The following SH3BP4 variants were observed in gnomAD, a reference collection of about 807,000 sequenced individuals.
SH3BP4 encodes SH3 domain-binding protein 4.
Under a neutral mutation model 65.5 loss-of-function variants are expected in SH3BP4, and 33 were observed. The observed-to-expected ratio is 0.50, with a 90% CI of 0.38 to 0.67. The LOEUF (loss-of-function observed/expected upper bound fraction) is 0.67, where lower values mean the gene tolerates loss of function less well. Among genes scored for constraint, SH3BP4 ranks in the 30% least tolerant of loss-of-function variants. The pLI, the probability that SH3BP4 is intolerant of heterozygous loss-of-function variation, is 0.00. For missense variants in SH3BP4, 1,134 were observed against 1,261.4 expected, an observed-to-expected ratio of 0.90 and a Z score of 1.53; for synonymous variants, 552 against 545.5, an observed-to-expected ratio of 1.01 and a Z score of -0.17.
chr2:234,959,531 A>T (rs1692659166), intron 1 of SH3BP4, among the ~76,000 whole-genome samples: 1 of 152,208 alleles, frequency 6.6e-6, no homozygotes, highest in Admixed American at 6.5e-5. Context: ...TAAACGGCTT[A>T]CTTATAAATA....
chr2:235,020,828 G>C (rs1694827491), intron 2 of SH3BP4, among the ~76,000 whole-genome samples: 1 of 152,038 alleles, frequency 6.6e-6, no homozygotes, highest in Non-Finnish European at 1.5e-5. Flanking sequence ...TCCTTTCAAG[G>C]GCAAGTGATT....
Position 235,046,190 on chromosome 2 carries a change from C to G in SH3BP4, c.2478+2943C>G, listed in dbSNP as rs971769952. Reference sequence around the variant, plus strand: ...TCCTCATCTCCCTCAGCTGCCAGCTCAAATGCCGTCTCTCCAGGACGTCCT... The same window carrying G: ...TCCTCATCTCCCTCAGCTGCCAGCTGAAATGCCGTCTCTCCAGGACGTCCT... On this transcript the variant is annotated intron_variant, in intron 4 of 5. Coordinates refer to ENST00000392011, the MANE Select transcript of SH3BP4 (RefSeq NM_014521.3). The surrounding 1 kb of genome is among the most constrained non-coding windows in gnomAD (Gnocchi z 4.2). Among the ~76,000 whole-genome samples, 1 of 152,204 alleles carries G rather than the reference C, an allele frequency of 6.6e-6. No homozygotes were observed. The highest frequency in any genetic ancestry group is 2.4e-5 in the African/African-American group (1 of 41,460).
At chr2:234,970,538 G>T (rs1692971384) in intron 1 of SH3BP4, among the ~76,000 whole-genome samples, 2 of 152,152 alleles carry the variant, frequency 1.3e-5, no homozygotes, top group South Asian at 2.1e-4. Flanking sequence ...CAAAACTTCG[G>T]GTGTGCATAA....
rs1405173431 is a variant in SH3BP4 at position 234,969,768 on chromosome 2, G to A, written c.-207+17598G>A. Among the ~76,000 whole-genome samples, 10 of 152,310 alleles carry A rather than the reference G, an allele frequency of 6.6e-5. No homozygotes were observed. The East Asian group carries it at 1.9e-3, about 29-fold the overall frequency. On this transcript the variant is annotated intron_variant, in intron 1 of 5. Transcript: ENST00000392011. ...CTCAGGGAAGCATGTGTGTACCCCA[G>A]CCTTTCCCTTACTGCCTCTGCCCAG...
intron 2 of SH3BP4, among the ~76,000 whole-genome samples, chr2:235,019,499 C>T (rs941314280): frequency 3.0e-4 from 44 of 148,098 alleles, no homozygotes; most frequent in African/African-American, 9.3e-4. Flanking sequence ...TGCAATGGCG[C>T]GATCTCAGCT....
chr2:234,986,988 T>C (rs973056706), intron 1 of SH3BP4, among the ~76,000 whole-genome samples: 5 of 151,954 alleles, frequency 3.3e-5, no homozygotes, highest in Admixed American at 6.6e-5. Context: ...GTCAGGCTGG[T>C]CTCTAACTCC....
chr2:234,987,648 C>T (rs1574794929), intron 1 of SH3BP4, among the ~76,000 whole-genome samples: 1 of 152,160 alleles, frequency 6.6e-6, no homozygotes, highest in East Asian at 1.9e-4. Flanking sequence ...AGGACGCCTT[C>T]CTTGAGACAC....
At position 234,967,129 on chromosome 2, in the gene SH3BP4, G is replaced by T. The variant is rs2106244286; in HGVS notation, c.-207+14959G>T. Among the ~76,000 whole-genome samples, 1 of 152,272 alleles carries T rather than the reference G, an allele frequency of 6.6e-6. No individual in the cohort carries two copies. The highest frequency in any genetic ancestry group is 2.1e-4 in the South Asian group (1 of 4,814). On this transcript the variant is annotated intron_variant, in intron 1 of 5. Transcript: ENST00000392011. This position sits in a 1 kb window ranked among gnomAD's most constrained non-coding sequence, Gnocchi z 4.6. Reference sequence around the variant, plus strand: ...CAGATCGGGAAACTGAGGAACCATGGGGTTTAGGGACTTGTGTGAGCTGGG... The same window carrying T: ...CAGATCGGGAAACTGAGGAACCATGTGGTTTAGGGACTTGTGTGAGCTGGG...
Position 234,978,115 on chromosome 2 carries a change from C to T in SH3BP4, c.-206-17188C>T, listed in dbSNP as rs550091777. ...GGATTACAGGCATGCGCCACCATGC[C>T]GGCTAATTTTTGTATTTTTTAGTAG... On this transcript the variant is annotated intron_variant, in intron 1 of 5. Coordinates refer to ENST00000392011, the MANE Select transcript of SH3BP4 (RefSeq NM_014521.3). This position sits in a 1 kb window ranked among gnomAD's most constrained non-coding sequence, Gnocchi z 4.1. 5.9e-5 allele frequency among the ~76,000 whole-genome samples: 9 copies of T among 151,642 alleles called. No individual in the cohort carries two copies. The East Asian group carries it at 7.8e-4, about 13-fold the overall frequency.
At chr2:234,979,733 G>A (rs565746520) in intron 1 of SH3BP4, 5 of 152,338 alleles carry the variant, frequency 3.3e-5, no homozygotes, top group African/African-American at 1.2e-4. Flanking sequence ...ACTGAGGGTG[G>A]CCTCCCCCGG....
At chr2:235,016,460 A>G (rs1398149764) in intron 2 of SH3BP4, among the ~76,000 whole-genome samples, 1 of 151,902 alleles carries the variant, frequency 6.6e-6, no homozygotes, top group Admixed American at 6.6e-5. Flanking sequence ...GGGCCTGGGG[A>G]GTTGACCGCC....
chr2:234,987,627 A>G (rs1559233539), intron 1 of SH3BP4, among the ~76,000 whole-genome samples: 1 of 152,178 alleles, frequency 6.6e-6, no homozygotes, highest in Non-Finnish European at 1.5e-5. Flanking sequence ...CCGAGGTCAG[A>G]ATCAAAGCCT....
intron 5 of SH3BP4, 82 bp from the exon 6 acceptor site, chr2:235,053,510 A>G: frequency 9.6e-7 from 1 of 1,042,750 alleles, no homozygotes; most frequent in Non-Finnish European, 1.5e-6. Flanking sequence ...AGCTGCACCA[A>G]GTAATAGGAA....
At position 235,054,426 on chromosome 2, in the gene SH3BP4, T is replaced by C. The variant is rs1295655041; in HGVS notation, c.*610T>C. On this transcript the variant is annotated 3_prime_UTR_variant, in exon 6 of 6. Transcript: ENST00000392011. ...CCCCAGGTCCTGCTCCCTCCTCGGA[T>C]TTGATTGTCTTCCGTGCTTTGCCTC... 1 of 152,272 alleles carries C rather than the reference T, an allele frequency of 6.6e-6. No homozygotes were observed. Among genetic ancestry groups the C allele is most frequent in the Admixed American group, 6.5e-5 (1 of 15,352 alleles). 9.4% of individuals were successfully genotyped at this position (152,272 alleles called of 1,614,324 possible). A position where few individuals can be genotyped will look rare whatever the true frequency, so the allele number is the denominator to read the frequency against.
At position 234,953,465 on chromosome 2, in the gene SH3BP4, C is replaced by T. The variant is rs141495192; in HGVS notation, c.-207+1295C>T. Reference sequence around the variant, plus strand: ...ACCCGGGCAGAATCTCTGCTGGCCACGAGTCCCCTTCCCAGTGGGCTGGGG... The same window carrying T: ...ACCCGGGCAGAATCTCTGCTGGCCATGAGTCCCCTTCCCAGTGGGCTGGGG... On this transcript the variant is annotated intron_variant, in intron 1 of 5. Transcript: ENST00000392011. Among the ~76,000 whole-genome samples the T allele has an allele frequency of 9.8e-5, 15 of 152,312 alleles. No homozygotes were observed. In the East Asian group the frequency reaches 2.9e-3, roughly 29 times the overall value.
At chr2:235,003,924 C>T (rs184481530) in intron 2 of SH3BP4, among the ~76,000 whole-genome samples, 1 of 152,156 alleles carries the variant, frequency 6.6e-6, no homozygotes, top group Non-Finnish European at 1.5e-5. Flanking sequence ...AAAACCCACC[C>T]AAGATGGCCC....
At chr2:234,963,229 A>G (rs146602650) in intron 1 of SH3BP4, among the ~76,000 whole-genome samples, 1 of 152,356 alleles carries the variant, frequency 6.6e-6, no homozygotes, top group African/African-American at 2.4e-5. Context: ...ATTATAAACA[A>G]CACTGCAATG....
intron 1 of SH3BP4, chr2:234,981,718 C>T (rs1267671060): frequency 2.0e-5 from 3 of 151,584 alleles, no homozygotes; most frequent in Non-Finnish European, 2.9e-5. Context: ...GACTGACTTT[C>T]GGGATGGAGG....
At chr2:235,039,805 A>G (rs2106331668) in intron 3 of SH3BP4, among the ~76,000 whole-genome samples, 1 of 152,284 alleles carries the variant, frequency 6.6e-6, no homozygotes, top group South Asian at 2.1e-4. Context: ...AACTTGATTC[A>G]CTTTTTGAAG....
Sources: gnomAD v4.1 joint callset for allele counts (sites outside exome capture counted in the v4.1 genomes callset) on GRCh38, gnomAD v4.1.1 for gene constraint, Gnocchi (gnomAD v3.1) non-coding constraint, MANE v1.5 for transcripts, NCBI Gene and HGNC (gene_info 2026-07-23, HGNC 2026-07-21) for gene names.